The following PLD5 variants were observed in gnomAD, a reference collection of about 807,000 sequenced individuals.
The protein encoded by PLD5 is inactive phospholipase D5.
Under a neutral mutation model 61.1 loss-of-function variants are expected in PLD5, and 36 were observed. The observed-to-expected ratio is 0.59, with a 90% CI of 0.45 to 0.78. The LOEUF (loss-of-function observed/expected upper bound fraction) is 0.78. Among genes scored for constraint, PLD5 ranks in the 30% least tolerant of loss-of-function variants. PLD5 has a pLI of 0.00. For missense variants in PLD5, 515 were observed against 644.4 expected, an observed-to-expected ratio of 0.80 and a Z score of 2.17; for synonymous variants, 243 against 242.8, an observed-to-expected ratio of 1.00 and a Z score of -0.01.
intron 4 of PLD5, among the ~76,000 whole-genome samples, chr1:242,254,737 C>A (rs1378534793): frequency 1.3e-5 from 2 of 152,172 alleles, no homozygotes; most frequent in African/African-American, 4.8e-5. Context: ...TTACACCACA[C>A]AGTAATGACA....
chr1:242,433,479 T>A (rs1439304425), intron 1 of PLD5, among the ~76,000 whole-genome samples: 2 of 152,236 alleles, frequency 1.3e-5, no homozygotes, highest in African/African-American at 4.8e-5. Context: ...GTTTCGCACC[T>A]TATTTTTTCC....
At chr1:242,475,126 A>G (rs1667548991) in intron 1 of PLD5, among the ~76,000 whole-genome samples, 1 of 152,238 alleles carries the variant, frequency 6.6e-6, no homozygotes, top group Non-Finnish European at 1.5e-5. Flanking sequence ...GTGTCAAATA[A>G]GAGAGAGACT....
chr1:242,131,348 C>T (rs1297227573), intron 5 of PLD5, among the ~76,000 whole-genome samples: 4 of 152,022 alleles, frequency 2.6e-5, no homozygotes, highest in Admixed American at 2.0e-4. Context: ...TCAGTGGTTC[C>T]GTTCTCTCTC....
At chr1:242,417,664 G>A (rs1664904550) in intron 1 of PLD5, among the ~76,000 whole-genome samples, 1 of 152,194 alleles carries the variant, frequency 6.6e-6, no homozygotes. Context: ...CCTGGATGAG[G>A]TCAAGAGCCC....
chr1:242,236,412 G>A (rs1671642677), intron 4 of PLD5, among the ~76,000 whole-genome samples: 2 of 152,024 alleles, frequency 1.3e-5, no homozygotes, highest in Admixed American at 1.3e-4. Flanking sequence ...ATTTTCACAA[G>A]TTTTTCATTT....
chr1:242,260,144 C>G (rs1486224843), intron 4 of PLD5, among the ~76,000 whole-genome samples: 2 of 152,026 alleles, frequency 1.3e-5, no homozygotes, highest in Non-Finnish European at 2.9e-5. Context: ...GTCAGGAGTT[C>G]GAGACCAGCC....
At chr1:242,404,875 A>ATTTTTGTTTTTTTTT (rs1664139795) in intron 1 of PLD5, among the ~76,000 whole-genome samples, 1 of 75,408 alleles carries the variant, frequency 1.3e-5, no homozygotes, top group Non-Finnish European at 2.3e-5. Context: ...TTCCCTGCTA[A>ATTTTTGTTTTTTTTT]TTTTTTTTTT....
At chr1:242,104,066 A>G (rs781161401) in intron 8 of PLD5, among the ~76,000 whole-genome samples, 30 of 152,188 alleles carry the variant, frequency 2.0e-4, no homozygotes, top group Non-Finnish European at 3.8e-4. Flanking sequence ...TTTGATCCTC[A>G]GGGATATAAT....
At chr1:242,490,781 C>A (rs1668123831) in intron 1 of PLD5, among the ~76,000 whole-genome samples, 2 of 152,042 alleles carry the variant, frequency 1.3e-5, no homozygotes, top group African/African-American at 4.8e-5. Context: ...TACGTCATAC[C>A]CTAATGCTTC....
At chr1:242,489,876 T>A (rs1668086499) in intron 1 of PLD5, among the ~76,000 whole-genome samples, 1 of 152,194 alleles carries the variant, frequency 6.6e-6, no homozygotes, top group Admixed American at 6.5e-5. Flanking sequence ...ATGTGGAGGA[T>A]GCACTGGTAA....
intron 1 of PLD5, among the ~76,000 whole-genome samples, chr1:242,506,562 C>A (rs1262963166): frequency 3.9e-5 from 6 of 152,160 alleles, no homozygotes; most frequent in Non-Finnish European, 5.9e-5. Context: ...GGATGTAACC[C>A]AGGCACTGGT....
intron 5 of PLD5, among the ~76,000 whole-genome samples, chr1:242,145,484 A>G (rs1238943682): frequency 6.6e-6 from 1 of 152,184 alleles, no homozygotes; most frequent in Non-Finnish European, 1.5e-5. Context: ...AGGGAACACC[A>G]TTATCTGAGG....
chr1:242,321,646 C>T (rs535613330), intron 2 of PLD5, among the ~76,000 whole-genome samples: 15 of 152,050 alleles, frequency 9.9e-5, no homozygotes, highest in African/African-American at 3.4e-4. Flanking sequence ...GCCAGCCAGG[C>T]CTCCTCTTCT....
chr1:242,463,168 G>C (rs771461101), intron 1 of PLD5, among the ~76,000 whole-genome samples: 1 of 152,102 alleles, frequency 6.6e-6, no homozygotes, highest in Non-Finnish European at 1.5e-5. Context: ...GCCCCATTAG[G>C]ATTGGCAATC....
At chr1:242,388,168 C>T (rs1050243387) in intron 1 of PLD5, among the ~76,000 whole-genome samples, 2 of 152,128 alleles carry the variant, frequency 1.3e-5, no homozygotes, top group East Asian at 1.9e-4. Context: ...TTAGACAAAA[C>T]CATTAACCTA....
intron 1 of PLD5, among the ~76,000 whole-genome samples, chr1:242,457,540 C>T (rs534630265): frequency 5.3e-5 from 8 of 152,258 alleles, no homozygotes; most frequent in Admixed American, 1.3e-4. Flanking sequence ...CCCAGGTGAA[C>T]GTCAATCTCC....
chr1:242,147,216 C>A (rs1574392715), intron 5 of PLD5, among the ~76,000 whole-genome samples: 1 of 152,132 alleles, frequency 6.6e-6, no homozygotes, highest in South Asian at 2.1e-4. Context: ...TGTTTTTCTT[C>A]CTGTAGTTTG....
chr1:242,407,404 A>G (rs1183221286), intron 1 of PLD5, among the ~76,000 whole-genome samples: 1 of 152,180 alleles, frequency 6.6e-6, no homozygotes, highest in East Asian at 1.9e-4. Context: ...GCACTGAAGT[A>G]TAATCTATTA....
rs1370108124 is a variant in PLD5, at chr1:242,256,968, A to G, written c.607+8369T>C. On this transcript the variant is annotated intron_variant, in intron 4 of 9. Coordinates refer to ENST00000536534, the MANE Select transcript of PLD5 (RefSeq NM_001372062.1). This position sits in a 1 kb window ranked among gnomAD's most constrained non-coding sequence, Gnocchi z 5.7. ...TACCTACTGTCTTCTATCTATATCTATCTACCTACCTACCTACCTTCTTTC... is the reference window on the plus strand; with the variant it reads ...TACCTACTGTCTTCTATCTATATCTGTCTACCTACCTACCTACCTTCTTTC... Among the ~76,000 whole-genome samples the G allele has an allele frequency of 6.6e-6, 1 of 151,098 alleles. No homozygotes were observed.
Sources: allele counts gnomAD v4.1 joint callset (sites outside exome capture counted in the v4.1 genomes callset), GRCh38; gene constraint gnomAD v4.1.1; non-coding constraint Gnocchi (gnomAD v3.1); transcripts MANE v1.5; gene names NCBI Gene and HGNC (gene_info 2026-07-23, HGNC 2026-07-21).